Variants in HMGN3 observed in about 807,000 individuals in gnomAD.
The protein encoded by HMGN3 is high mobility group nucleosomal binding domain 3, also known as high mobility group nucleosome-binding domain-containing protein 3.
In HMGN3, 6 loss-of-function variants were observed where a neutral mutation model predicts 18.8. The observed-to-expected ratio is 0.32, with a 90% confidence interval of 0.18 to 0.63. The LOEUF (loss-of-function observed/expected upper bound fraction) is 0.63, where lower values mean the gene tolerates loss of function less well. Ranked by LOEUF, HMGN3 falls within the 30% of genes least tolerant of loss-of-function variation. HMGN3 has a pLI of 0.79. For missense variants in HMGN3, 107 were observed against 114.2 expected, an observed-to-expected ratio of 0.94 and a Z score of 0.29; for synonymous variants, 40 against 36.5, an observed-to-expected ratio of 1.10 and a Z score of -0.35.
intron 1 of HMGN3, among the ~76,000 whole-genome samples, chr6:79,222,549 A>G (rs1777353474): frequency 2.0e-5 from 3 of 152,224 alleles, no homozygotes; most frequent in Non-Finnish European, 4.4e-5. Flanking sequence ...ATGACACATT[A>G]AACAGACACT....
exon 6 of HMGN3, chr6:79,201,591 T>C: frequency 1.2e-6 from 1 of 831,962 alleles, no homozygotes; most frequent in Non-Finnish European, 2.0e-6. Flanking sequence ...ACTAGTAGAG[T>C]CCTAAAAAAT....
At chr6:79,203,311 G>A (rs1561981640) in intron 4 of HMGN3, among the ~76,000 whole-genome samples, 1 of 152,148 alleles carries the variant, frequency 6.6e-6, no homozygotes. Flanking sequence ...CGCATGAACC[G>A]CATGTTCACG....
intron 4 of HMGN3, 29 bp downstream of exon 4, chr6:79,203,551 A>C: frequency 6.3e-7 from 1 of 1,591,892 alleles, no homozygotes; most frequent in Non-Finnish European, 8.6e-7. Context: ...TTGTTTAAAA[A>C]GCCAAAAGTG....
chr6:79,202,535 G>T, intron 4 of HMGN3, 146 bp from the exon 5 acceptor site: 1 of 681,754 alleles, frequency 1.5e-6, no homozygotes, highest in Admixed American at 2.5e-5. Context: ...GCCTAATTTT[G>T]CTGGGTTTCA....
intron 3 of HMGN3, among the ~76,000 whole-genome samples, chr6:79,207,258 C>T (rs1361212164): frequency 2.6e-5 from 4 of 152,088 alleles, no homozygotes. Flanking sequence ...TTGGCTATGT[C>T]CCCACCCAAA....
At chr6:79,209,555 A>G (rs1252802501) in intron 2 of HMGN3, among the ~76,000 whole-genome samples, 1 of 152,232 alleles carries the variant, frequency 6.6e-6, no homozygotes, top group Non-Finnish European at 1.5e-5. Context: ...TGAATAAATG[A>G]ATCCAAGCCT....
chr6:79,206,100 A>T (rs1776409338), intron 3 of HMGN3, among the ~76,000 whole-genome samples: 1 of 152,240 alleles, frequency 6.6e-6, no homozygotes, highest in African/African-American at 2.4e-5. Context: ...AATCAGTTTT[A>T]AAAGGGAAAC....
intron 3 of HMGN3, 68 bp downstream of exon 3, chr6:79,208,479 G>C: frequency 7.9e-7 from 1 of 1,264,826 alleles, no homozygotes; most frequent in Non-Finnish European, 1.2e-6. Context: ...TCCTTTTGCT[G>C]CTTCACTTTG....
rs1228601217 is a variant in HMGN3, at chr6:79,218,979, G to C, written c.16-3957C>G. The stretch of plus-strand genomic sequence containing the variant: ...AAAAGGATGAACAAAAGAGAGGTTA[G>C]GTGATGTGGTTAATTGAGAAGCTCC... On this transcript the variant is annotated intron_variant, in intron 1 of 5. Coordinates refer to ENST00000344726, the Ensembl canonical transcript of HMGN3. Among the ~76,000 whole-genome samples, 15 of 152,134 alleles carry C rather than the reference G, an allele frequency of 9.9e-5. 1 individual carries two copies. Among genetic ancestry groups the C allele is most frequent in the Non-Finnish European group, 1.5e-4 (10 of 68,020 alleles).
chr6:79,202,390 C>G lies in HMGN3; in HGVS notation c.148-1G>C, dbSNP rs770714776. 1 of 1,609,232 alleles carries G rather than the reference C, an allele frequency of 6.2e-7. No homozygotes were observed. The highest frequency in any genetic ancestry group is 8.5e-7 in the Non-Finnish European group (1 of 1,175,788). ...TGCTAATCTTTGCTCCAGGTTCTTT[C>G]TAACAGAGGATCAAAGCACAGTGAA... On this transcript the variant is annotated splice_acceptor_variant, in intron 4 of 5. Transcript: ENST00000344726. LOFTEE classifies it high-confidence loss of function.
chr6:79,234,440 A>G lies in HMGN3; in HGVS notation c.15+106T>C, dbSNP rs556326288. On this transcript the variant is annotated intron_variant, in intron 1 of 5. Coordinates refer to ENST00000344726, the Ensembl canonical transcript of HMGN3. ...AAGCGTGGAGGAGCAAAGATTCCCA[A>G]TCCCCGGGTTACTACCGCGCGCGTT... is the stretch of plus-strand genomic sequence containing the variant. 1.4e-4 allele frequency: 146 copies of G among 1,055,680 alleles called. 1 individual carries two copies. In the Middle Eastern group the frequency reaches 1.5e-3, roughly 11 times the overall value. 65.4% of individuals were successfully genotyped at this position (1,055,680 alleles called of 1,614,324 possible). A position where few individuals can be genotyped will look rare whatever the true frequency, so the allele number is the denominator to read the frequency against.
At chr6:79,223,972 T>C (rs1365913117) in intron 1 of HMGN3, among the ~76,000 whole-genome samples, 1 of 152,198 alleles carries the variant, frequency 6.6e-6, no homozygotes, top group African/African-American at 2.4e-5. Context: ...ATCATGGGAA[T>C]GCCAAGCACT....
At chr6:79,229,847 C>T (rs1777754390) in intron 1 of HMGN3, among the ~76,000 whole-genome samples, 1 of 152,024 alleles carries the variant, frequency 6.6e-6, no homozygotes, top group African/African-American at 2.4e-5. Context: ...TACTGCCCTC[C>T]AGCCTGGGCG....
At chr6:79,210,348 C>T (rs976305617) in intron 2 of HMGN3, among the ~76,000 whole-genome samples, 1 of 152,096 alleles carries the variant, frequency 6.6e-6, no homozygotes, top group Non-Finnish European at 1.5e-5. Context: ...GTCTCATAAA[C>T]TACAGCAGGC....
chr6:79,221,758 G>A (rs1425207309), intron 1 of HMGN3, among the ~76,000 whole-genome samples: 2 of 152,178 alleles, frequency 1.3e-5, no homozygotes, highest in Non-Finnish European at 2.9e-5. Flanking sequence ...GCAGGAGGCA[G>A]AGAAGTTTAA....
chr6:79,224,795 C>A (rs1297519515), intron 1 of HMGN3, among the ~76,000 whole-genome samples: 2 of 152,140 alleles, frequency 1.3e-5, no homozygotes, highest in African/African-American at 4.8e-5. Context: ...ATTGTTATAA[C>A]AGGGCTCTTA....
At chr6:79,225,911 C>A (rs1335853074) in intron 1 of HMGN3, among the ~76,000 whole-genome samples, 1 of 152,116 alleles carries the variant, frequency 6.6e-6, no homozygotes, top group Non-Finnish European at 1.5e-5. Context: ...CTTTCTACAA[C>A]AGGCATTTAG....
Position 79,205,488 on chromosome 6 carries a change from C to T in HMGN3, c.97-1858G>A, listed in dbSNP as rs1776379009. Among the ~76,000 whole-genome samples the T allele has an allele frequency of 2.6e-5, 4 of 152,362 alleles. No homozygotes were observed. In the South Asian group the frequency reaches 8.3e-4, roughly 32 times the overall value. On this transcript the variant is annotated intron_variant, in intron 3 of 5. Coordinates refer to ENST00000344726, the Ensembl canonical transcript of HMGN3. ...GCTCTCTCTCTTTGCCTGCCACCAT[C>T]CACGTAAGACATAATTTGCTCCTTT... is the stretch of plus-strand genomic sequence containing the variant.
At chr6:79,219,651 C>T (rs1777170683) in intron 1 of HMGN3, among the ~76,000 whole-genome samples, 1 of 151,956 alleles carries the variant, frequency 6.6e-6, no homozygotes, top group Admixed American at 6.6e-5. Flanking sequence ...TTTCTAATTG[C>T]CACATTAAAA....
Sources: allele counts gnomAD v4.1 joint callset (sites outside exome capture counted in the v4.1 genomes callset), GRCh38; gene constraint gnomAD v4.1.1; transcripts MANE v1.5; gene names NCBI Gene and HGNC (gene_info 2026-07-23, HGNC 2026-07-21).